Variants in HIVEP3 observed in about 807,000 individuals in gnomAD.
The protein encoded by HIVEP3 is transcription factor HIVEP3.
A neutral mutation model predicts 152.8 loss-of-function variants in HIVEP3; 49 were observed. The ratio of observed to expected loss-of-function variants is 0.32; its 90% CI spans 0.26 to 0.41. HIVEP3 has a LOEUF of 0.41. Ranked by LOEUF, HIVEP3 falls within the 10% of genes least tolerant of loss-of-function variation. The probability of loss-of-function intolerance (pLI) is 1.00; values close to 1 mark genes in which losing one functional copy is unlikely to be tolerated. For missense variants in HIVEP3, 2,790 were observed against 3,103.3 expected (o/e 0.90, Z 2.40); for synonymous variants, 1,269 against 1,289.0 (o/e 0.98, Z 0.33).
At chr1:41,841,574 G>A (rs1165193472) in intron 1 of HIVEP3, among the ~76,000 whole-genome samples, 1 of 152,136 alleles carries the variant, frequency 6.6e-6, no homozygotes, top group Non-Finnish European at 1.5e-5. Flanking sequence ...GGGGGAGAGG[G>A]GAACGGCCTG....
chr1:41,511,065 C>G lies in HIVEP3; in HGVS notation c.6607G>C (p.Val2203Leu). ...PLIPIGGIQM[V>L]QARPGAHPTL... The stretch of plus-strand genomic sequence containing the variant: ...GGGTGGGCTCCTGGCCGGGCCTGCA[C>G]CATCTGGATCCCACCGATGGGAATC... The change falls in exon 9 of 9, where the codon GTG (valine) becomes CTG (leucine). Residue 2203 changes from valine to leucine, a missense_variant. By Grantham distance (32) the Val-to-Leu change is conservative. Transcript: ENST00000372583. This position sits in a 1 kb window ranked among gnomAD's most constrained non-coding sequence, Gnocchi z 4.9. 1 of 1,614,100 alleles carries G rather than the reference C, an allele frequency of 6.2e-7. No homozygotes were observed.
intron 4 of HIVEP3, among the ~76,000 whole-genome samples, chr1:41,578,970 G>A (rs146028051): frequency 1.3e-5 from 2 of 152,330 alleles, no homozygotes; most frequent in East Asian, 3.9e-4. Flanking sequence ...GTCAGGGTAT[G>A]GTGGTGGCTT....
intron 1 of HIVEP3, among the ~76,000 whole-genome samples, chr1:41,880,057 T>C (rs1434769866): frequency 6.6e-6 from 1 of 152,144 alleles, no homozygotes; most frequent in African/African-American, 2.4e-5. Context: ...CCTGGGATCA[T>C]CCTCTCTTTT....
intron 2 of HIVEP3, among the ~76,000 whole-genome samples, chr1:41,692,375 T>C (rs2124111435): frequency 6.6e-6 from 1 of 152,346 alleles, no homozygotes; most frequent in Admixed American, 6.5e-5. Context: ...GGAGCTACTG[T>C]GTGCCTTACA....
chr1:41,960,827 C>T (rs958135953), intron 1 of HIVEP3, among the ~76,000 whole-genome samples: 1 of 152,192 alleles, frequency 6.6e-6, no homozygotes, highest in African/African-American at 2.4e-5. Flanking sequence ...TCCTCCCCCT[C>T]CACTGTGGGC....
intron 2 of HIVEP3, among the ~76,000 whole-genome samples, chr1:41,631,670 G>A (rs1385966502): frequency 6.6e-6 from 1 of 151,960 alleles, no homozygotes; most frequent in African/African-American, 2.4e-5. Context: ...GGGCAGCATC[G>A]CAGCACCACA....
intron 1 of HIVEP3, among the ~76,000 whole-genome samples, chr1:41,910,604 A>C (rs1304588218): frequency 1.3e-5 from 2 of 152,060 alleles, no homozygotes; most frequent in Non-Finnish European, 2.9e-5. Context: ...AAAACTTCTA[A>C]ATTTTATTAG....
At chr1:41,840,989 A>C (rs143567375) in intron 1 of HIVEP3, among the ~76,000 whole-genome samples, 1 of 152,370 alleles carries the variant, frequency 6.6e-6, no homozygotes, top group African/African-American at 2.4e-5. Context: ...AACTTGCTAA[A>C]TCAAAGGGCT....
chr1:41,624,092 G>C (rs35030716), intron 3 of HIVEP3, among the ~76,000 whole-genome samples: 4,527 of 152,224 alleles, frequency 0.03, 77 homozygotes, highest in Middle Eastern at 0.075. Flanking sequence ...GCCTCCCTGG[G>C]TTGCGAAGAG....
chr1:42,006,751 G>T (rs1482656145), intron 1 of HIVEP3, among the ~76,000 whole-genome samples: 2 of 152,160 alleles, frequency 1.3e-5, no homozygotes, highest in Admixed American at 6.5e-5. Context: ...GAATGAAAAT[G>T]GAAAAGGCAA....
intron 3 of HIVEP3, among the ~76,000 whole-genome samples, chr1:41,617,441 C>T (rs958983006): frequency 2.6e-5 from 4 of 152,198 alleles, no homozygotes; most frequent in African/African-American, 9.6e-5. Context: ...CTCCAGACAA[C>T]CCCTGGGGTG....
At chr1:42,010,888 C>T (rs1356294362) in intron 1 of HIVEP3, among the ~76,000 whole-genome samples, 4 of 152,078 alleles carry the variant, frequency 2.6e-5, no homozygotes, top group Non-Finnish European at 2.9e-5. Flanking sequence ...CAAGGCTCAG[C>T]CCAGACCACT....
chr1:41,599,378 C>T (rs946425193), intron 3 of HIVEP3, among the ~76,000 whole-genome samples: 4 of 152,132 alleles, frequency 2.6e-5, no homozygotes, highest in Non-Finnish European at 5.9e-5. Flanking sequence ...GATTGACAAA[C>T]GCGTAATCAC....
intron 1 of HIVEP3, among the ~76,000 whole-genome samples, chr1:41,928,420 T>A (rs1644978719): frequency 6.6e-6 from 1 of 152,228 alleles, no homozygotes; most frequent in East Asian, 1.9e-4. Context: ...ATTGTACAAG[T>A]TCCCATACAC....
chr1:41,614,594 T>A (rs1461605898), intron 3 of HIVEP3, among the ~76,000 whole-genome samples: 1 of 152,226 alleles, frequency 6.6e-6, no homozygotes, highest in Non-Finnish European at 1.5e-5. Context: ...TTTTTGCAAT[T>A]TTAACTTGAT....
rs187284364 is a variant in HIVEP3 at position 41,555,240 on chromosome 1, G to T, written c.5207+20304C>A. Among the ~76,000 whole-genome samples the T allele has an allele frequency of 7.6e-3, 1,157 of 152,332 alleles. 13 individuals are homozygous for T. The highest frequency in any genetic ancestry group is 0.034 in the Middle Eastern group (10 of 294). ...CCCCTGCCAGGCTGCTGCCTTGCAG[G>T]TTGATCTCAGACTGCTGCATTAGCA... On this transcript the variant is annotated intron_variant, in intron 5 of 8. Transcript: ENST00000372583.
intron 1 of HIVEP3, among the ~76,000 whole-genome samples, chr1:41,975,576 AG>A (rs1268383992): frequency 6.6e-6 from 1 of 152,250 alleles, no homozygotes; most frequent in Non-Finnish European, 1.5e-5. Context: ...TTTCTTTGGA[AG>A]TACAAAAAAC....
Position 41,513,667 on chromosome 1 carries a change from C to T in HIVEP3, c.5554G>A (p.Asp1852Asn), listed in dbSNP as rs377222265. The change falls in exon 8 of 9, where the codon GAC (aspartate) becomes AAC (asparagine). Residue 1852 changes from aspartate to asparagine, a missense_variant. Around this residue, in one of 9 missense-constraint regions of HIVEP3, gnomAD observed 816 missense variants for 806.5 expected, o/e 1.01. Coordinates refer to ENST00000372583, the MANE Select transcript of HIVEP3 (RefSeq NM_024503.5). ...TCCAGGTCTGAGTCTGAGTCCGAGT[C>T]CTCCAGGTCCGAAAACTGGTGCTCC... ...VEEHQFSDLE[D>N]SDSDSDLDED... is the part of the protein sequence containing the mutation. The T allele has an allele frequency of 1.2e-6, 2 of 1,612,850 alleles. No homozygotes were observed. The highest frequency in any genetic ancestry group is 1.7e-6 in the Non-Finnish European group (2 of 1,179,630).
At chr1:41,896,923 T>C (rs1034698969) in intron 1 of HIVEP3, among the ~76,000 whole-genome samples, 1 of 152,164 alleles carries the variant, frequency 6.6e-6, no homozygotes, top group Non-Finnish European at 1.5e-5. Context: ...AAGAGGTCTA[T>C]CACATGGTCT....
Sources: gnomAD v4.1 joint callset for allele counts (sites outside exome capture counted in the v4.1 genomes callset) on GRCh38, gnomAD v4.1.1 for gene constraint, gnomAD v4.1.1 regional missense constraint, Gnocchi (gnomAD v3.1) non-coding constraint, MANE v1.5 for transcripts, NCBI Gene and HGNC (gene_info 2026-07-23, HGNC 2026-07-21) for gene names.